The following CYP4F3 variants were observed in gnomAD, a reference collection of about 807,000 sequenced individuals.
CYP4F3 encodes cytochrome P450 family 4 subfamily F member 3.
A neutral mutation model predicts 54.8 loss-of-function variants in CYP4F3; 50 were observed. That is an observed-to-expected ratio of 0.91 (90% CI 0.73 to 1.16). CYP4F3 has a LOEUF of 1.16. Ranked by LOEUF, CYP4F3 falls within the 50% of genes most tolerant of loss-of-function variation. CYP4F3 has a pLI of 0.00. For synonymous variants in CYP4F3, 244 were observed against 262.6 expected (o/e 0.93, Z 0.69); for missense variants, 715 against 676.2 (o/e 1.06, Z -0.64).
intron 2 of CYP4F3, among the ~76,000 whole-genome samples, chr19:15,643,709 C>G (rs774218185): frequency 6.6e-5 from 10 of 152,142 alleles, no homozygotes; most frequent in Admixed American, 5.2e-4. Flanking sequence ...GCTACCTGGG[C>G]TCTCAACAGA....
In CYP4F3 at chr19:15,645,947, G is replaced by A. The variant is rs565940510; in HGVS notation, c.343+84G>A. On this transcript the variant is annotated intron_variant, in intron 3 of 12. Coordinates refer to ENST00000221307, the MANE Select transcript of CYP4F3 (RefSeq NM_000896.3). ...CTGGGGTCTCTGTGCTGCCTCCAGCGGGTCGCGTGCCCATGTGCAGACAGG... is the reference window on the plus strand; with the variant it reads ...CTGGGGTCTCTGTGCTGCCTCCAGCAGGTCGCGTGCCCATGTGCAGACAGG... 2.7e-4 allele frequency: 398 copies of A among 1,460,264 alleles called. No homozygotes were observed. The African/African-American group carries it at 4.8e-3, about 18-fold the overall frequency. The allele number at this position is 1,460,264 out of a possible 1,614,324, so 90.5% of individuals were successfully genotyped here. A position where few individuals can be genotyped will look rare whatever the true frequency, so the allele number is the denominator to read the frequency against.
At chr19:15,644,444 C>T (rs1972565537) in intron 2 of CYP4F3, among the ~76,000 whole-genome samples, 3 of 152,180 alleles carry the variant, frequency 2.0e-5, no homozygotes, top group Admixed American at 6.5e-5. Context: ...GGAAGCCTTC[C>T]TGGAGGAAGA....
At chr19:15,658,650 AG>A in intron 11 of CYP4F3, 76 bp from the exon 12 acceptor site, 1 of 1,608,978 alleles carries the variant, frequency 6.2e-7, no homozygotes, top group Non-Finnish European at 8.5e-7. Context: ...CCTCCCTCCA[AG>A]ACACACACCA....
intron 9 of CYP4F3, among the ~76,000 whole-genome samples, chr19:15,654,779 C>T (rs987830333): frequency 1.3e-5 from 2 of 152,162 alleles, no homozygotes; most frequent in Non-Finnish European, 2.9e-5. Flanking sequence ...TAAGTTGATT[C>T]CATATTTTCG....
rs772202060 is a variant in CYP4F3, at chr19:15,652,895, G to T, written c.1058G>T (p.Arg353Leu). The change falls in exon 9 of 13, where the codon CGC becomes CTC. Residue 353 changes from arginine to leucine, a missense_variant. Arg to Leu is a moderately radical substitution (Grantham distance 102). Coordinates refer to ENST00000221307, the MANE Select transcript of CYP4F3 (RefSeq NM_000896.3). ...HLAKHPEYQE[R>L]CRQEVQELLK... ...GCAAAGCACCCGGAATACCAGGAGCGCTGTCGGCAGGAGGTGCAAGAGCTT... is the reference window on the plus strand; with the variant it reads ...GCAAAGCACCCGGAATACCAGGAGCTCTGTCGGCAGGAGGTGCAAGAGCTT... 1.9e-5 allele frequency: 31 copies of T among 1,613,706 alleles called. No homozygotes were observed. The highest frequency in any genetic ancestry group is 1.6e-4 in the South Asian group (15 of 91,068).
intron 7 of CYP4F3, 144 bp downstream of exon 7, chr19:15,650,327 T>G: frequency 6.6e-7 from 1 of 1,514,152 alleles, no homozygotes; most frequent in South Asian, 1.2e-5. Flanking sequence ...AGAGATAGGT[T>G]TTGGAGATAG....
chr19:15,643,410 A>G (rs374091215), intron 2 of CYP4F3, among the ~76,000 whole-genome samples: 26 of 28,670 alleles, frequency 9.1e-4, no homozygotes, highest in African/African-American at 2.3e-3. Context: ...AGGTAAATAG[A>G]TAGATAGATA....
chr19:15,649,871 G>A (rs969763143), intron 6 of CYP4F3, 42 bp from the exon 7 acceptor site: 3 of 1,602,980 alleles, frequency 1.9e-6, no homozygotes, highest in Non-Finnish European at 2.6e-6. Context: ...GGGGCTTCAG[G>A]TGTATTAAAT....
intron 7 of CYP4F3, among the ~76,000 whole-genome samples, chr19:15,650,822 C>A (rs1392092017): frequency 1.9e-5 from 1 of 52,670 alleles, no homozygotes; most frequent in Non-Finnish European, 3.4e-5. Flanking sequence ...TTCTTTCTTT[C>A]TTTCTTTCTT....
intron 5 of CYP4F3, among the ~76,000 whole-genome samples, chr19:15,648,223 A>G (rs1468259280): frequency 6.6e-6 from 1 of 152,062 alleles, no homozygotes; most frequent in Non-Finnish European, 1.5e-5. Context: ...GAGACAAAGG[A>G]TAGTTTTACT....
intron 2 of CYP4F3, among the ~76,000 whole-genome samples, chr19:15,643,232 GGATA>G (rs201844760): frequency 0.028 from 4,131 of 147,840 alleles, 187 homozygotes; most frequent in African/African-American, 0.096. Flanking sequence ...ATAGATGAAT[GGATA>G]GATAGACAGA....
At chr19:15,656,826 A>G (rs4019931) in intron 9 of CYP4F3, among the ~76,000 whole-genome samples, 42,028 of 151,776 alleles carry the variant, frequency 0.28, 6,502 homozygotes, top group East Asian at 0.49. Flanking sequence ...TTTTATAAAT[A>G]TATATCCATA....
At chr19:15,650,352 A>T in intron 7 of CYP4F3, 169 bp downstream of exon 7, 2 of 1,307,410 alleles carry the variant, frequency 1.5e-6, no homozygotes, top group Admixed American at 2.0e-5. Flanking sequence ...GTGGACTAGC[A>T]CCTACCAGGG....
chr19:15,644,002 C>T, intron 2 of CYP4F3: 1 of 1,605,542 alleles, frequency 6.2e-7, no homozygotes, highest in Non-Finnish European at 8.5e-7. Context: ...TCTTCCCCGT[C>T]ATCCGTTTTT....
Position 15,653,729 on chromosome 19 carries a change from G to T in CYP4F3, c.1115+777G>T, listed in dbSNP as rs561321075. Among the ~76,000 whole-genome samples, 164 of 135,126 alleles carry T rather than the reference G, an allele frequency of 1.2e-3. 2 individuals are homozygous for T. The highest frequency in any genetic ancestry group is 4.5e-3 in the African/African-American group (154 of 34,406). 88.6% of individuals were successfully genotyped at this position (135,126 alleles called of 152,430 possible). A position where few individuals can be genotyped will look rare whatever the true frequency, so the allele number is the denominator to read the frequency against. ...ACCTGGGGTCTTCGGGGGAGGAAGA[G>T]AGAGAGGAGAGAGAGAGAGAGAGAG... On this transcript the variant is annotated intron_variant, in intron 9 of 12. Transcript: ENST00000221307.
At chr19:15,653,772 G>GC (rs1972938706) in intron 9 of CYP4F3, among the ~76,000 whole-genome samples, 2 of 147,888 alleles carry the variant, frequency 1.4e-5, no homozygotes, top group Admixed American at 6.7e-5. Flanking sequence ...GAGAGAGAGA[G>GC]AGAGAGAGAG....
chr19:15,644,107 C>T (rs367764115), intron 2 of CYP4F3: 24 of 1,464,582 alleles, frequency 1.6e-5, no homozygotes, highest in African/African-American at 1.0e-4. Flanking sequence ...GCCTGCAAGT[C>T]CCTCTATCCC....
intron 6 of CYP4F3, 136 bp from the exon 7 acceptor site, chr19:15,649,777 T>A: frequency 3.9e-4 from 468 of 1,192,140 alleles, no homozygotes; most frequent in East Asian, 6.0e-4. Flanking sequence ...CTGATCCCCA[T>A]CCTGCATCTG....
rs1063803 is a variant in CYP4F3 at position 15,661,423 on chromosome 19, T to G, written c.*2038T>G. 86,524 of 152,052 alleles carry G rather than the reference T, an allele frequency of 0.57. 24,899 individuals carry two copies. Among genetic ancestry groups the G allele is most frequent in the East Asian group, 0.7 (3,638 of 5,170 alleles). 9.4% of individuals were successfully genotyped at this position (152,052 alleles called of 1,614,324 possible). On this transcript the variant is annotated 3_prime_UTR_variant, in exon 13 of 13. Transcript: ENST00000221307. The stretch of plus-strand genomic sequence containing the variant: ...CCAAATAATTAGCAGTCCTTCGTAG[T>G]GTCAGTTTTTGTTTCAGCCTTCCTT...
Sources: gnomAD v4.1 joint callset for allele counts (sites outside exome capture counted in the v4.1 genomes callset) on GRCh38, gnomAD v4.1.1 for gene constraint, MANE v1.5 for transcripts, NCBI Gene and HGNC (gene_info 2026-07-23, HGNC 2026-07-21) for gene names.